The following DISP3 variants were observed in gnomAD, a reference collection of about 807,000 sequenced individuals.
DISP3 encodes the protein protein dispatched homolog 3.
DISP3 carries 101 observed loss-of-function variants against 135.3 expected under a neutral mutation model. That is an observed-to-expected ratio of 0.75 (90% CI 0.64 to 0.88). The LOEUF (loss-of-function observed/expected upper bound fraction) is 0.88. Among genes scored for constraint, DISP3 ranks in the 40% least tolerant of loss-of-function variants. The pLI, the probability that DISP3 is intolerant of heterozygous loss-of-function variation, is 0.00. For synonymous variants in DISP3, 856 were observed against 817.0 expected (o/e 1.05, Z -0.81); for missense variants, 1,713 against 1,878.6 (o/e 0.91, Z 1.63).
In DISP3 at chr1:11,502,853, C is replaced by G; in HGVS notation, c.1272C>G (p.Ser424Arg). Residue 424 changes from serine to arginine, a missense_variant, in exon 3 of 21, where the codon AGC (serine) becomes AGG (arginine). Transcript: ENST00000294484. ...RWEEQRAKFQ[S>R]FVVTYVAMLA... ...AGGAACAACGGGCTAAGTTTCAGAG[C>G]TTCGTGGTCACCTACGTGGCCATGC... 6.2e-7 allele frequency: 1 copy of G among 1,614,184 alleles called. No individual in the cohort carries two copies. The highest frequency in any genetic ancestry group is 1.3e-5 in the African/African-American group (1 of 75,068).
chr1:11,501,751 C>T lies in DISP3; in HGVS notation c.759C>T (p.Ala253=), dbSNP rs1641534654. The change falls in exon 2 of 21, where the codon GCC becomes GCT. Residue 253 remains alanine (A), a synonymous_variant. Transcript: ENST00000294484. This position sits in a 1 kb window ranked among gnomAD's most constrained non-coding sequence, Gnocchi z 4.9. ...AANQSRARRG[A]SRWDYSRAYV... ...ATCAGAGCCGTGCCCGCCGAGGCGC[C>T]TCGCGCTGGGACTACTCGCGCGCCT... 2 of 1,592,080 alleles carry T rather than the reference C, an allele frequency of 1.3e-6. No individual in the cohort carries two copies. Among genetic ancestry groups the T allele is most frequent in the African/African-American group, 2.7e-5 (2 of 74,452 alleles).
In DISP3 at chr1:11,520,015, C is replaced by G. The variant is rs367890819; in HGVS notation, c.2200+135C>G. The G allele has an allele frequency of 1.2e-3, 1,019 of 819,546 alleles. 16 individuals are homozygous for G. The highest frequency in any genetic ancestry group is 0.012 in the South Asian group (673 of 56,162). The allele number at this position is 819,546 out of a possible 1,614,324, so 50.8% of individuals were successfully genotyped here. A position where few individuals can be genotyped will look rare whatever the true frequency, so the allele number is the denominator to read the frequency against. On this transcript the variant is annotated intron_variant, in intron 9 of 20. Coordinates refer to ENST00000294484, the MANE Select transcript of DISP3 (RefSeq NM_020780.2). The surrounding 1 kb of genome is among the most constrained non-coding windows in gnomAD (Gnocchi z 4.8). The stretch of plus-strand genomic sequence containing the variant: ...CTGGGGTCTCTCCCTCTCTGACCCC[C>G]CCTCTTTCCTGTGCAGAATGAAGCC...
chr1:11,495,316 G>C lies in DISP3; in HGVS notation c.-3-5674G>C, dbSNP rs34843061. 2.5e-4 allele frequency among the ~76,000 whole-genome samples: 38 copies of C among 152,064 alleles called. No individual in the cohort carries two copies. The East Asian group carries it at 6.9e-3, about 28-fold the overall frequency. Reference sequence around the variant, plus strand: ...TGAGGCACGAGAATCGCTTGAACCCGGGAGGTGGAGGTTGCAGTGAGCTGA... The same window carrying C: ...TGAGGCACGAGAATCGCTTGAACCCCGGAGGTGGAGGTTGCAGTGAGCTGA... On this transcript the variant is annotated intron_variant, in intron 1 of 20. Transcript: ENST00000294484.
chr1:11,523,047 C>T (rs1413426647), intron 10 of DISP3, among the ~76,000 whole-genome samples: 1 of 152,230 alleles, frequency 6.6e-6, no homozygotes, highest in African/African-American at 2.4e-5. Context: ...TGGAGGGACC[C>T]CTTCAGAGTA....
chr1:11,511,221 A>G (rs953163775), intron 3 of DISP3, among the ~76,000 whole-genome samples: 3 of 152,194 alleles, frequency 2.0e-5, no homozygotes, highest in African/African-American at 7.2e-5. Context: ...TGCCTTCCCA[A>G]CATCCTCCAA....
At chr1:11,481,579 A>G (rs1293816531) in intron 1 of DISP3, 2 of 152,120 alleles carry the variant, frequency 1.3e-5, no homozygotes, top group South Asian at 2.1e-4. Flanking sequence ...AAGTGAGGGG[A>G]CCTGGATCCT....
intron 1 of DISP3, among the ~76,000 whole-genome samples, chr1:11,480,526 C>A (rs1384630005): frequency 6.6e-6 from 1 of 152,140 alleles, no homozygotes; most frequent in Non-Finnish European, 1.5e-5. Context: ...ATCTTCGCCC[C>A]CGCTCTGCAC....
chr1:11,495,075 T>C (rs903671575), intron 1 of DISP3, among the ~76,000 whole-genome samples: 2 of 152,128 alleles, frequency 1.3e-5, no homozygotes, highest in Non-Finnish European at 2.9e-5. Flanking sequence ...GACTTGAAGA[T>C]TGGCTTTTCT....
At chr1:11,505,297 A>G (rs1183523370) in intron 3 of DISP3, among the ~76,000 whole-genome samples, 3 of 152,256 alleles carry the variant, frequency 2.0e-5, no homozygotes, top group African/African-American at 4.8e-5. Flanking sequence ...GCCCCAGCAC[A>G]AGGCCAGTTA....
At chr1:11,508,888 C>T (rs1353197353) in intron 3 of DISP3, among the ~76,000 whole-genome samples, 1 of 152,128 alleles carries the variant, frequency 6.6e-6, no homozygotes, top group Non-Finnish European at 1.5e-5. Context: ...CATTGCTTTT[C>T]TGTTTTCTAT....
Position 11,519,888 on chromosome 1 carries a change from G to A in DISP3, c.2200+8G>A. ...GCCGCTGGGTGATTGTGGGTAAGTGGGCCCTCCGGCCCTGCCCCCTGTCTC... is the reference window on the plus strand; with the variant it reads ...GCCGCTGGGTGATTGTGGGTAAGTGAGCCCTCCGGCCCTGCCCCCTGTCTC... On this transcript the variant is annotated splice_region_variant and intron_variant, in intron 9 of 20. Coordinates refer to ENST00000294484, the MANE Select transcript of DISP3 (RefSeq NM_020780.2). This position sits in a 1 kb window ranked among gnomAD's most constrained non-coding sequence, Gnocchi z 4.3. 6.3e-7 allele frequency: 1 copy of A among 1,598,402 alleles called. No homozygotes were observed. The highest frequency in any genetic ancestry group is 1.1e-5 in the South Asian group (1 of 90,210).
intron 1 of DISP3, among the ~76,000 whole-genome samples, chr1:11,480,412 C>G (rs1267447100): frequency 6.6e-6 from 1 of 152,152 alleles, no homozygotes; most frequent in Non-Finnish European, 1.5e-5. Flanking sequence ...CAAGTACACA[C>G]CCACCCACAA....
intron 1 of DISP3, among the ~76,000 whole-genome samples, chr1:11,497,260 A>G (rs1376131513): frequency 3.9e-5 from 6 of 152,272 alleles, no homozygotes; most frequent in East Asian, 3.9e-4. Flanking sequence ...ACTTGGTTAC[A>G]TAAGTTCTTT....
chr1:11,489,380 G>T (rs577133906), intron 1 of DISP3, among the ~76,000 whole-genome samples: 1 of 152,240 alleles, frequency 6.6e-6, no homozygotes, highest in East Asian at 1.9e-4. Context: ...CAAGCCTTCC[G>T]CAGAGCTAGG....
rs570184313 is a variant in DISP3, at chr1:11,523,916, G to A, written c.2363-26G>A. On this transcript the variant is annotated intron_variant, in intron 10 of 20. Transcript: ENST00000294484. ...GGCCAGGATGTCCTGCTGTCCTGCTGTCCTTGACATGGCGCTGGGGGGCAG... is the reference window on the plus strand; with the variant it reads ...GGCCAGGATGTCCTGCTGTCCTGCTATCCTTGACATGGCGCTGGGGGGCAG... 16 of 1,588,512 alleles carry A rather than the reference G, an allele frequency of 1.0e-5. No individual in the cohort carries two copies. In the East Asian group the frequency reaches 3.1e-4, roughly 31 times the overall value.
At chr1:11,533,508 C>T (rs1642626409) in intron 17 of DISP3, among the ~76,000 whole-genome samples, 1 of 152,122 alleles carries the variant, frequency 6.6e-6, no homozygotes, top group Non-Finnish European at 1.5e-5. Flanking sequence ...CCGCCTGCCT[C>T]AGCCTCCCAA....
At chr1:11,509,129 A>G (rs991996552) in intron 3 of DISP3, among the ~76,000 whole-genome samples, 19 of 151,858 alleles carry the variant, frequency 1.3e-4, no homozygotes, top group Non-Finnish European at 2.5e-4. Context: ...AATACTTTCT[A>G]TTTTTCCTTT....
In DISP3 at chr1:11,519,979, A is replaced by T; in HGVS notation, c.2200+99A>T. 8.0e-7 allele frequency: 1 copy of T among 1,250,990 alleles called. No homozygotes were observed. Among genetic ancestry groups the T allele is most frequent in the Non-Finnish European group, 1.1e-6 (1 of 903,934 alleles). The allele number at this position is 1,250,990 out of a possible 1,614,324, so 77.5% of individuals were successfully genotyped here. A position where few individuals can be genotyped will look rare whatever the true frequency, so the allele number is the denominator to read the frequency against. On this transcript the variant is annotated intron_variant, in intron 9 of 20. Transcript: ENST00000294484. This position sits in a 1 kb window ranked among gnomAD's most constrained non-coding sequence, Gnocchi z 4.3. ...CCCCTCTCGCAGATGCCCCAGGGTC[A>T]GAGGCCTGGGCTGGGGTCTCTCCCT...
intron 12 of DISP3, among the ~76,000 whole-genome samples, chr1:11,526,202 C>T (rs993428338): frequency 1.3e-5 from 2 of 152,186 alleles, no homozygotes; most frequent in Non-Finnish European, 2.9e-5. Flanking sequence ...CAGCTTCGTG[C>T]GTGGCTGACT....
Sources: gnomAD v4.1 joint callset for allele counts (sites outside exome capture counted in the v4.1 genomes callset) on GRCh38, gnomAD v4.1.1 for gene constraint, Gnocchi (gnomAD v3.1) non-coding constraint, MANE v1.5 for transcripts, NCBI Gene and HGNC (gene_info 2026-07-23, HGNC 2026-07-21) for gene names.